The following BRICD5 variants were observed in gnomAD, a reference collection of about 807,000 sequenced individuals.
BRICD5 encodes BRICHOS domain-containing protein 5.
A neutral mutation model predicts 28.4 loss-of-function variants in BRICD5; 51 were observed. The observed-to-expected ratio is 1.80, with a 90% confidence interval of 1.43 to 2.27. The LOEUF is 2.27. Among genes scored for constraint, BRICD5 ranks in the 30% most tolerant of loss-of-function variants. The pLI, the probability that BRICD5 is intolerant of heterozygous loss-of-function variation, is 0.00. For synonymous variants in BRICD5, 177 were observed against 130.2 expected (o/e 1.36, Z -2.44); for missense variants, 456 against 309.6 (o/e 1.47, Z -3.55).
intron 4 of BRICD5, 60 bp downstream of exon 4, chr16:2,209,890 T>C (rs1248294324): frequency 4.0e-5 from 57 of 1,442,262 alleles, no homozygotes; most frequent in Non-Finnish European, 4.0e-5. Context: ...CGTACTGGGC[T>C]GCACACAGGA....
chr16:2,210,346 G>T (rs1394159245), intron 2 of BRICD5, 65 bp from the exon 3 acceptor site: 8 of 1,512,438 alleles, frequency 5.3e-6, no homozygotes, highest in Non-Finnish European at 7.1e-6. Context: ...CCAGCTCTGG[G>T]CTGCAGGACT....
At position 2,210,244 on chromosome 16, in the gene BRICD5, G is replaced by A. The variant is rs1255890021; in HGVS notation, c.218C>T (p.Pro73Leu). The A allele has an allele frequency of 1.3e-6, 2 of 1,551,530 alleles. No individual in the cohort carries two copies. The highest frequency in any genetic ancestry group is 8.7e-7 in the Non-Finnish European group (1 of 1,150,490). The change falls in exon 3 of 6, where the codon CCC becomes CTC. Residue 73 changes from proline (P) to leucine (L), a missense_variant. Physicochemically the swap from Pro to Leu is moderately conservative, Grantham distance 98. Transcript: ENST00000328540. ...LQTLRMTLPS[P>L]HMPRPNQTIL... ...GGTTTGGTTGGGCCGGGGCATGTGG[G>A]GGCTCGGGAGGGTCATTCGCAGCGT...
chr16:2,210,700 G>C (rs753138553), intron 1 of BRICD5, 50 bp from the exon 2 acceptor site: 15 of 1,610,474 alleles, frequency 9.3e-6, no homozygotes, highest in Non-Finnish European at 1.3e-5. Flanking sequence ...ACATCAGGGA[G>C]CAAGTGGGCT....
chr16:2,209,847 C>T, intron 4 of BRICD5, 103 bp downstream of exon 4: 2 of 1,383,120 alleles, frequency 1.4e-6, no homozygotes, highest in Non-Finnish European at 1.9e-6. Context: ...GAGAGAGCTT[C>T]CTGTTCCCTG....
At chr16:2,209,497 C>T in intron 5 of BRICD5, 41 bp from the exon 6 acceptor site, 2 of 1,613,098 alleles carry the variant, frequency 1.2e-6, no homozygotes, top group East Asian at 2.2e-5. Context: ...GCTCCGCCCC[C>T]AGCTCCTCAA....
In BRICD5 at chr16:2,210,215, G is replaced by C; in HGVS notation, c.247C>G (p.Leu83Val). 6.3e-7 allele frequency: 1 copy of C among 1,583,570 alleles called. No individual in the cohort carries two copies. Among genetic ancestry groups the C allele is most frequent in the Non-Finnish European group, 8.6e-7 (1 of 1,167,330 alleles). ...GCCGCGTTCCGGGCCACGTCCACCA[G>C]GATGGTTTGGTTGGGCCGGGGCATG... ...PHMPRPNQTI[L>V]VDVARNAATI... Residue 83 changes from leucine to valine, a missense_variant, in exon 3 of 6, where the codon CTG (leucine) becomes GTG (valine). Transcript: ENST00000328540.
rs769840788 is a variant in BRICD5, at chr16:2,210,017, A to G, written c.371T>C (p.Val124Ala). 11 of 1,571,686 alleles carry G rather than the reference A, an allele frequency of 7.0e-6. No homozygotes were observed. In the South Asian group the frequency reaches 1.3e-4, roughly 18 times the overall value. The change falls in exon 4 of 6, where the codon GTC becomes GCC. Residue 124 changes from valine to alanine, a missense_variant. Physicochemically the swap from Val to Ala is moderately conservative, Grantham distance 64. Transcript: ENST00000328540. Reference sequence around the variant, plus strand: ...GTCCTCCATCAGGCGGAGGAAGCAGACCTGGTGCTCCTCAGGGCGGTAACA... The same window carrying G: ...GTCCTCCATCAGGCGGAGGAAGCAGGCCTGGTGCTCCTCAGGGCGGTAACA... ...CICYRPEEHQ[V>A]CFLRLMEDSD...
rs2093369250 is a variant in BRICD5, at chr16:2,210,548, G to C, written c.154C>G (p.Leu52Val). The stretch of plus-strand genomic sequence containing the variant: ...TTGGGAGGGCCCTGAGCAGAGCCAA[G>C]AAGCCCTCCAGCCACAACCCCCACA... The part of the protein sequence containing the change: ...AAVGVVAGGL[L>V]GSAQGPPKPR... The change falls in exon 2 of 6, where the codon CTT becomes GTT. Residue 52 changes from leucine to valine, a missense_variant. Leu to Val is a conservative substitution (Grantham distance 32). Transcript: ENST00000328540. The C allele has an allele frequency of 1.2e-6, 2 of 1,612,268 alleles. No individual in the cohort carries two copies. The highest frequency in any genetic ancestry group is 2.2e-5 in the South Asian group (2 of 90,982).
chr16:2,210,292 G>C lies in BRICD5; in HGVS notation c.181-11C>G. 3 of 1,518,236 alleles carry C rather than the reference G, an allele frequency of 2.0e-6. No individual in the cohort carries two copies. Among genetic ancestry groups the C allele is most frequent in the Non-Finnish European group, 2.7e-6 (3 of 1,130,210 alleles). The allele number at this position is 1,518,236 out of a possible 1,614,324, so 94.0% of individuals were successfully genotyped here. ...CGTCTGCAGCCTTGGCTGGCAGTGG[G>C]AGTTGGAGTTCAGCCGGGCAGCTGT... On this transcript the variant is annotated splice_polypyrimidine_tract_variant and intron_variant, in intron 2 of 5. Transcript: ENST00000328540.
rs2093363994 is a variant in BRICD5 at position 2,209,696 on chromosome 16, G to C, written c.449C>G (p.Ala150Gly). Residue 150 changes from alanine (A) to glycine (G), a missense_variant, in exon 5 of 6, where the codon GCT becomes GGT. By Grantham distance (60) the Ala-to-Gly change is moderately conservative. Transcript: ENST00000328540. ...LLVDTSKVQE[A>G]WVPSQDTHHT... ...GTGGGTGTCCTGGCTGGGGACCCAA[G>C]CCTCTTGGACCTGTTGAGAAGGCTC... is the stretch of plus-strand genomic sequence containing the variant. The C allele has an allele frequency of 6.2e-7, 1 of 1,611,448 alleles. No individual in the cohort carries two copies. Among genetic ancestry groups the C allele is most frequent in the Non-Finnish European group, 8.5e-7 (1 of 1,178,854 alleles).
At position 2,209,413 on chromosome 16, in the gene BRICD5, G is replaced by A; in HGVS notation, c.636C>T (p.Cys212=). The change falls in exon 6 of 6, where the codon TGC becomes TGT. Residue 212 remains cysteine (C), a synonymous_variant. Coordinates refer to ENST00000328540, the MANE Select transcript of BRICD5 (RefSeq NM_182563.4). ...CCGACACGCAGATGTTGCTCGGGAAGCAGATGTCGATGCAGAGATAAATCA... is the reference window on the plus strand; with the variant it reads ...CCGACACGCAGATGTTGCTCGGGAAACAGATGTCGATGCAGAGATAAATCA... ...QRLIYLCIDI[C]FPSNICVSVC... 1 of 1,613,850 alleles carries A rather than the reference G, an allele frequency of 6.2e-7. No homozygotes were observed. Among genetic ancestry groups the A allele is most frequent in the Non-Finnish European group, 8.5e-7 (1 of 1,179,992 alleles).
At chr16:2,210,858 CCGATTGTCTGCGT>C (rs2093371376) in exon 1 of BRICD5, 2 of 1,600,050 alleles carry the variant, frequency 1.2e-6, no homozygotes, top group South Asian at 2.2e-5. Flanking sequence ...TCACAATGTG[CCGATTGTCTGCGT>C]CCCTTGTCTG....
At chr16:2,210,360 G>A in intron 2 of BRICD5, 79 bp from the exon 3 acceptor site, 1 of 1,526,170 alleles carries the variant, frequency 6.6e-7, no homozygotes, top group Non-Finnish European at 8.8e-7. Flanking sequence ...CAGGACTCCT[G>A]ACACCCCTGA....
rs111384111 is a variant in BRICD5, at chr16:2,209,409, G to C, written c.640C>G (p.Pro214Ala). 6.2e-7 allele frequency: 1 copy of C among 1,613,858 alleles called. No homozygotes were observed. The highest frequency in any genetic ancestry group is 2.2e-5 in the East Asian group (1 of 44,884). Residue 214 changes from proline to alanine, a missense_variant, in exon 6 of 6, where the codon CCG becomes GCG. By Grantham distance (27) the Pro-to-Ala change is conservative. Transcript: ENST00000328540. ...LIYLCIDICF[P>A]SNICVSVCFY... ...CAGACCGACACGCAGATGTTGCTCGGGAAGCAGATGTCGATGCAGAGATAA... is the reference window on the plus strand; with the variant it reads ...CAGACCGACACGCAGATGTTGCTCGCGAAGCAGATGTCGATGCAGAGATAA...
intron 5 of BRICD5, 39 bp downstream of exon 5, chr16:2,209,514 C>T (rs749536867): frequency 1.3e-5 from 21 of 1,612,668 alleles, no homozygotes; most frequent in Non-Finnish European, 1.8e-5. Context: ...TCAAACCATC[C>T]CGAGGGCCTG....
Position 2,209,625 on chromosome 16 carries a change from G to C in BRICD5, c.520C>G (p.Pro174Ala). 6.2e-7 allele frequency: 1 copy of C among 1,613,264 alleles called. No homozygotes were observed. Among genetic ancestry groups the C allele is most frequent in the South Asian group, 1.1e-5 (1 of 91,070 alleles). ...TGCACCAAAGCCCCCGCCTGGGCGG[G>C]GTCCACTTCGAGGCTCCCCTGCACT... ...LAVQGSLEVD[P>A]AQAGALVQRL... The change falls in exon 5 of 6, where the codon CCC becomes GCC. Residue 174 changes from proline to alanine, a missense_variant. Coordinates refer to ENST00000328540, the MANE Select transcript of BRICD5 (RefSeq NM_182563.4).
Position 2,209,319 on chromosome 16 carries a change from C to T in BRICD5, c.*43G>A. On this transcript the variant is annotated 3_prime_UTR_variant, in exon 6 of 6. Coordinates refer to ENST00000328540, the MANE Select transcript of BRICD5 (RefSeq NM_182563.4). Reference sequence around the variant, plus strand: ...TCCCTGGTGCAGGTGGCCTGGCCAGCCCACTGGATTGGGGACGGGCCAGGC... The same window carrying T: ...TCCCTGGTGCAGGTGGCCTGGCCAGTCCACTGGATTGGGGACGGGCCAGGC... 1.9e-6 allele frequency: 3 copies of T among 1,560,664 alleles called. No homozygotes were observed. Among genetic ancestry groups the T allele is most frequent in the South Asian group, 1.1e-5 (1 of 87,772 alleles).
In BRICD5 at chr16:2,209,678, T is replaced by G. The variant is rs2093363783; in HGVS notation, c.467A>C (p.Asp156Ala). 3 of 1,612,694 alleles carry G rather than the reference T, an allele frequency of 1.9e-6. No homozygotes were observed. The East Asian group carries it at 6.7e-5, about 36-fold the overall frequency. Residue 156 changes from aspartate to alanine, a missense_variant, in exon 5 of 6, where the codon GAC (aspartate) becomes GCC (alanine). Transcript: ENST00000328540. ...CAGCAGCTCCTGGGTGTGGTGGGTG[T>G]CCTGGCTGGGGACCCAAGCCTCTTG... ...KVQEAWVPSQ[D>A]THHTQELLAV...
In BRICD5 at chr16:2,209,543, C is replaced by A; in HGVS notation, c.592+10G>T. 2 of 1,612,258 alleles carry A rather than the reference C, an allele frequency of 1.2e-6. No individual in the cohort carries two copies. The highest frequency in any genetic ancestry group is 2.2e-5 in the South Asian group (2 of 91,084). On this transcript the variant is annotated intron_variant, in intron 5 of 5. Transcript: ENST00000328540. ...GGGCCTGGCCTTCCCCCACAGCGGT[C>A]CTGACTCACCCTCTGCTCGCCGGGC... is the stretch of plus-strand genomic sequence containing the variant.
Sources: allele counts gnomAD v4.1 joint callset, GRCh38; gene constraint gnomAD v4.1.1; transcripts MANE v1.5; gene names NCBI Gene and HGNC (gene_info 2026-07-23, HGNC 2026-07-21).